Variants in KIF5C observed in about 807,000 individuals in gnomAD.
The protein encoded by KIF5C is kinesin heavy chain isoform 5C.
Under a neutral mutation model 125.2 loss-of-function variants are expected in KIF5C, and 18 were observed. The ratio of observed to expected loss-of-function variants is 0.14; its 90% CI spans 0.10 to 0.21. The LOEUF is 0.21. Ranked by LOEUF, KIF5C falls within the 10% of genes least tolerant of loss-of-function variation. The pLI is 1.00. For synonymous variants in KIF5C, 405 were observed against 434.0 expected (o/e 0.93, Z 0.83); for missense variants, 780 against 1,183.8 (o/e 0.66, Z 5.01).
In KIF5C at chr2:148,990,964, A is replaced by G. The variant is rs374390993; in HGVS notation, c.1717-46A>G. Reference sequence around the variant, plus strand: ...AGGTTTCCAGGGAGTCCGTGAACCTATGGAAATTGTGGGCAACATTTGAGT... The same window carrying G: ...AGGTTTCCAGGGAGTCCGTGAACCTGTGGAAATTGTGGGCAACATTTGAGT... On this transcript the variant is annotated intron_variant, in intron 15 of 25. Coordinates refer to ENST00000435030, the MANE Select transcript of KIF5C (RefSeq NM_004522.3). The G allele has an allele frequency of 5.6e-4, 877 of 1,577,450 alleles. 8 individuals carry two copies. In the Admixed American group the frequency reaches 0.015, roughly 27 times the overall value.
At chr2:148,969,765 C>T (rs890000152) in intron 11 of KIF5C, among the ~76,000 whole-genome samples, 1 of 152,160 alleles carries the variant, frequency 6.6e-6, no homozygotes, top group Non-Finnish European at 1.5e-5. Context: ...GGAATATTCT[C>T]CATTAACGTG....
chr2:148,907,331 A>C (rs1284393441), intron 1 of KIF5C, among the ~76,000 whole-genome samples: 1 of 152,142 alleles, frequency 6.6e-6, no homozygotes, highest in East Asian at 1.9e-4. Flanking sequence ...GACAGCCTGC[A>C]GTTACTTCAA....
intron 10 of KIF5C, among the ~76,000 whole-genome samples, chr2:148,959,378 A>G (rs1050427217): frequency 2.0e-5 from 3 of 151,980 alleles, no homozygotes; most frequent in Non-Finnish European, 4.4e-5. Flanking sequence ...TTCTATTATA[A>G]ATTTCAGAAT....
rs1682109031 is a variant in KIF5C at position 148,929,035 on chromosome 2, T to C, written c.218-246T>C. 3.3e-5 allele frequency among the ~76,000 whole-genome samples: 5 copies of C among 152,232 alleles called. No individual in the cohort carries two copies. In the South Asian group the frequency reaches 1.0e-3, roughly 32 times the overall value. ...CTGCTCGATGTCTCTATCTTCCTTT[T>C]GATGTCATTGGGAGAAAGTGTGTCT... On this transcript the variant is annotated intron_variant, in intron 2 of 25. Coordinates refer to ENST00000435030, the MANE Select transcript of KIF5C (RefSeq NM_004522.3).
At chr2:148,917,501 T>G (rs1574738432) in intron 1 of KIF5C, among the ~76,000 whole-genome samples, 1 of 152,364 alleles carries the variant, frequency 6.6e-6, no homozygotes, top group Non-Finnish European at 1.5e-5. Context: ...TAATAATACC[T>G]AGCTCATAGA....
At chr2:148,947,086 G>T in intron 8 of KIF5C, 63 bp downstream of exon 8, 1 of 1,521,200 alleles carries the variant, frequency 6.6e-7, no homozygotes. Context: ...ATTGTGCAAT[G>T]GTATAATTTT....
At chr2:148,977,310 C>T (rs1208766957) in intron 12 of KIF5C, among the ~76,000 whole-genome samples, 1 of 152,184 alleles carries the variant, frequency 6.6e-6, no homozygotes, top group East Asian at 1.9e-4. Context: ...TTGAAATGAG[C>T]ACAGCGTAAG....
intron 1 of KIF5C, among the ~76,000 whole-genome samples, chr2:148,904,332 C>T (rs1681018101): frequency 6.6e-6 from 1 of 152,164 alleles, no homozygotes; most frequent in Admixed American, 6.5e-5. Flanking sequence ...CTGGATCTGC[C>T]ACTTACAATA....
At chr2:148,976,244 G>GTTTT (rs1451639004) in intron 12 of KIF5C, among the ~76,000 whole-genome samples, 62 of 95,256 alleles carry the variant, frequency 6.5e-4, no homozygotes, top group African/African-American at 2.4e-3. Context: ...ATATTATTTT[G>GTTTT]TTTTATTTAT....
At chr2:148,975,327 T>C (rs995042614) in intron 12 of KIF5C, among the ~76,000 whole-genome samples, 3 of 152,166 alleles carry the variant, frequency 2.0e-5, no homozygotes, top group African/African-American at 7.2e-5. Flanking sequence ...CTTCCATGTT[T>C]CTGTTGATGT....
intron 11 of KIF5C, among the ~76,000 whole-genome samples, chr2:148,972,917 T>G (rs993743721): frequency 6.6e-6 from 1 of 152,244 alleles, no homozygotes; most frequent in African/African-American, 2.4e-5. Context: ...TTTCTATTAA[T>G]GAAACAGTGA....
At chr2:149,012,142 GT>G (rs1682226756) in intron 25 of KIF5C, among the ~76,000 whole-genome samples, 1 of 152,228 alleles carries the variant, frequency 6.6e-6, no homozygotes, top group Admixed American at 6.5e-5. Flanking sequence ...AACTCAACAA[GT>G]GGGGATTTTA....
intron 1 of KIF5C, among the ~76,000 whole-genome samples, chr2:148,887,500 G>T (rs1681571709): frequency 6.6e-6 from 1 of 151,970 alleles, no homozygotes; most frequent in Admixed American, 6.6e-5. Flanking sequence ...TCCAATTGGG[G>T]GAAAGCAAAT....
At chr2:148,932,051 A>C (rs571822132) in intron 3 of KIF5C, among the ~76,000 whole-genome samples, 6 of 152,252 alleles carry the variant, frequency 3.9e-5, no homozygotes, top group African/African-American at 1.4e-4. Flanking sequence ...AAGGTAGGGG[A>C]TATTTTCAGA....
intron 15 of KIF5C, among the ~76,000 whole-genome samples, chr2:148,986,971 G>T (rs1056879714): frequency 2.0e-5 from 3 of 152,194 alleles, no homozygotes; most frequent in African/African-American, 7.2e-5. Flanking sequence ...TGTACTGGTG[G>T]CACTGAACTG....
intron 23 of KIF5C, 137 bp downstream of exon 23, chr2:149,008,204 G>A: frequency 8.6e-7 from 1 of 1,163,768 alleles, no homozygotes; most frequent in Non-Finnish European, 1.1e-6. Context: ...GGACATGAGG[G>A]CTGGAAAGGT....
chr2:148,991,683 G>A (rs1229051980), intron 16 of KIF5C, among the ~76,000 whole-genome samples: 2 of 152,096 alleles, frequency 1.3e-5, no homozygotes, highest in Admixed American at 6.6e-5. Flanking sequence ...AATCCTGGTA[G>A]GCAGGTTTTA....
intron 7 of KIF5C, among the ~76,000 whole-genome samples, chr2:148,944,337 C>T (rs1682476975): frequency 6.6e-6 from 1 of 152,162 alleles, no homozygotes; most frequent in African/African-American, 2.4e-5. Flanking sequence ...TCTCCTCTTG[C>T]TCAACCTACT....
intron 25 of KIF5C, among the ~76,000 whole-genome samples, chr2:149,014,597 A>G (rs1217526596): frequency 6.6e-6 from 1 of 152,190 alleles, no homozygotes; most frequent in Non-Finnish European, 1.5e-5. Flanking sequence ...CTGTTTCCTC[A>G]TATATGAAAT....
Sources: gnomAD v4.1 joint callset for allele counts (sites outside exome capture counted in the v4.1 genomes callset) on GRCh38, gnomAD v4.1.1 for gene constraint, MANE v1.5 for transcripts, NCBI Gene and HGNC (gene_info 2026-07-23, HGNC 2026-07-21) for gene names.